The following APEH variants were observed in gnomAD, a reference collection of about 807,000 sequenced individuals.
The protein encoded by APEH is acylamino-acid-releasing enzyme.
APEH carries 75 observed loss-of-function variants against 102.7 expected under a neutral mutation model. The observed-to-expected ratio is 0.73, with a 90% CI of 0.61 to 0.89. The LOEUF is 0.89. APEH is among the 40% of genes least tolerant of loss of function. The pLI, the probability that APEH is intolerant of heterozygous loss-of-function variation, is 0.00. For synonymous variants in APEH, 344 were observed against 362.7 expected, an observed-to-expected ratio of 0.95 and a Z score of 0.59; for missense variants, 863 against 941.2, an observed-to-expected ratio of 0.92 and a Z score of 1.09.
At position 49,675,289 on chromosome 3, in the gene APEH, C is replaced by A; in HGVS notation, c.252C>A (p.Asn84Lys). The change falls in exon 3 of 22, where the codon AAC (asparagine) becomes AAA (lysine). Residue 84 changes from asparagine (N) to lysine (K), a missense_variant. Transcript: ENST00000296456. ...TGGTGTTTGCAGGACCTGCAGGCAACAGTGTGGAGACCCGGGGGGAGTAAG... is the reference window on the plus strand; with the variant it reads ...TGGTGTTTGCAGGACCTGCAGGCAAAAGTGTGGAGACCCGGGGGGAGTAAG... The part of the protein sequence containing the change: ...DSVVFAGPAG[N>K]SVETRGELLS... 6.2e-7 allele frequency: 1 copy of A among 1,613,914 alleles called. No homozygotes were observed. The highest frequency in any genetic ancestry group is 8.5e-7 in the Non-Finnish European group (1 of 1,179,932).
At chr3:49,677,752 C>G in intron 11 of APEH, 119 bp downstream of exon 11, 1 of 979,152 alleles carries the variant, frequency 1.0e-6, no homozygotes, top group South Asian at 1.3e-5. Context: ...TACCTCCCTG[C>G]TGGGCCAGCC....
At chr3:49,680,723 T>A in intron 14 of APEH, 94 bp downstream of exon 14, 1 of 1,163,368 alleles carries the variant, frequency 8.6e-7, no homozygotes, top group Non-Finnish European at 1.3e-6. Flanking sequence ...CTGACCTGGC[T>A]GGTCAGCATA....
chr3:49,679,937 ACT>A lies in APEH; in HGVS notation c.1210+300_1210+301del, dbSNP rs948918049. The A allele has an allele frequency of 1.9e-5, 6 of 321,038 alleles. No homozygotes were observed. In the East Asian group the frequency reaches 2.0e-4, roughly 10 times the overall value. 19.9% of individuals were successfully genotyped at this position (321,038 alleles called of 1,614,324 possible). ...CACCTCTGCTCCTAAAACCCACAAA[ACT>A]CTCTCTTATCAAGATCTGCCAGACT... On this transcript the variant is annotated intron_variant, in intron 13 of 21. Coordinates refer to ENST00000296456, the MANE Select transcript of APEH (RefSeq NM_001640.4). This position sits in a 1 kb window ranked among gnomAD's most constrained non-coding sequence, Gnocchi z 4.3.
In APEH at chr3:49,680,646, C is replaced by T. The variant is rs778459556; in HGVS notation, c.1299+17C>T. The stretch of plus-strand genomic sequence containing the variant: ...CCAACCCTGGTGAGTGTCGGTGGGT[C>T]CCAGGCTGTGGAGGCAGGGGTTCTG... On this transcript the variant is annotated intron_variant, in intron 14 of 21. Coordinates refer to ENST00000296456, the MANE Select transcript of APEH (RefSeq NM_001640.4). 6.2e-6 allele frequency: 10 copies of T among 1,609,964 alleles called. No individual in the cohort carries two copies. The South Asian group carries it at 9.9e-5, about 16-fold the overall frequency.
chr3:49,676,313 C>G lies in APEH; in HGVS notation c.607-65C>G, dbSNP rs2053049964. 8 of 1,612,232 alleles carry G rather than the reference C, an allele frequency of 5.0e-6. No homozygotes were observed. In the South Asian group the frequency reaches 7.7e-5, roughly 15 times the overall value. ...TGTGCCTGTCAGACCTGGGGAGGCA[C>G]TAGCTTTTAGGAAGCAGAGCAGGTC... On this transcript the variant is annotated intron_variant, in intron 6 of 21. Transcript: ENST00000296456.
Position 49,680,768 on chromosome 3 carries a change from G to A in APEH, c.1299+139G>A, listed in dbSNP as rs1012037079. 5 of 790,108 alleles carry A rather than the reference G, an allele frequency of 6.3e-6. No homozygotes were observed. In the African/African-American group the frequency reaches 8.6e-5, roughly 14 times the overall value. 48.9% of individuals were successfully genotyped at this position (790,108 alleles called of 1,614,324 possible). A position where few individuals can be genotyped will look rare whatever the true frequency, so the allele number is the denominator to read the frequency against. ...CAAGACACAGGCCCAGCTTGGCATG[G>A]TCCATGAGGGTTTGGCACTCACAGG... On this transcript the variant is annotated intron_variant, in intron 14 of 21. Coordinates refer to ENST00000296456, the MANE Select transcript of APEH (RefSeq NM_001640.4).
In APEH at chr3:49,674,611, G is replaced by T. The variant is rs773763241; in HGVS notation, c.135G>T (p.Thr45=). ...CGCAGTACGGCGGCCAATACCGGAC[G>T]GTGCACACTGGTGTGTGTGCGAAGG... ...VTTQYGGQYR[T]VHTEWTQRDL... Residue 45 remains threonine (T), a synonymous_variant, in exon 2 of 22, where the codon ACG becomes ACT. Transcript: ENST00000296456. The T allele has an allele frequency of 3.8e-6, 6 of 1,584,780 alleles. No homozygotes were observed. Among genetic ancestry groups the T allele is most frequent in the South Asian group, 1.1e-5 (1 of 88,546 alleles).
rs1046580082 is a variant in APEH at position 49,680,134 on chromosome 3, C to T, written c.1211-407C>T. Reference sequence around the variant, plus strand: ...GTCCTCCACCTGACCTGACTGTATCCGCTCCTCCACAAAGCTACCAAAGTA... The same window carrying T: ...GTCCTCCACCTGACCTGACTGTATCTGCTCCTCCACAAAGCTACCAAAGTA... On this transcript the variant is annotated intron_variant, in intron 13 of 21. Transcript: ENST00000296456. 3.7e-5 allele frequency: 10 copies of T among 268,794 alleles called. No individual in the cohort carries two copies. In the East Asian group the frequency reaches 3.8e-4, roughly 10 times the overall value. The allele number at this position is 268,794 out of a possible 1,614,324, so 16.7% of individuals were successfully genotyped here. A position where few individuals can be genotyped will look rare whatever the true frequency, so the allele number is the denominator to read the frequency against.
rs1313704035 is a variant in APEH, at chr3:49,675,310, G to A, written c.272+1G>A. On this transcript the variant is annotated splice_donor_variant, in intron 3 of 21. Coordinates refer to ENST00000296456, the MANE Select transcript of APEH (RefSeq NM_001640.4). LOFTEE classifies it high-confidence loss of function. The stretch of plus-strand genomic sequence containing the variant: ...GCAACAGTGTGGAGACCCGGGGGGA[G>A]TAAGTTTGAGGGAGGAAGCTTGTGG... 2.5e-6 allele frequency: 4 copies of A among 1,613,528 alleles called. No homozygotes were observed. Among genetic ancestry groups the A allele is most frequent in the African/African-American group, 1.3e-5 (1 of 74,922 alleles).
rs376913085 is a variant in APEH at position 49,681,957 on chromosome 3, G to A, written c.1593G>A (p.Ala531=). The A allele has an allele frequency of 1.3e-5, 21 of 1,613,582 alleles. No individual in the cohort carries two copies. Among genetic ancestry groups the A allele is most frequent in the East Asian group, 6.7e-5 (3 of 44,894 alleles). The change falls in exon 17 of 22, where the codon GCG becomes GCA. Residue 531 remains alanine, a synonymous_variant. Coordinates refer to ENST00000296456, the MANE Select transcript of APEH (RefSeq NM_001640.4). ...FPAMLCKMGF[A]VLLVNYRGST... ...CCATGCTTTGCAAGATGGGCTTTGCGGTACTACTAGGTGAGTGAGCAGGGA... is the reference window on the plus strand; with the variant it reads ...CCATGCTTTGCAAGATGGGCTTTGCAGTACTACTAGGTGAGTGAGCAGGGA...
Position 49,683,550 on chromosome 3 carries a change from CT to C in APEH, c.*209del. The C allele has an allele frequency of 3.6e-6, 2 of 563,336 alleles. No individual in the cohort carries two copies. Among genetic ancestry groups the C allele is most frequent in the Non-Finnish European group, 6.3e-6 (2 of 315,032 alleles). The allele number at this position is 563,336 out of a possible 1,614,324, so 34.9% of individuals were successfully genotyped here. On this transcript the variant is annotated 3_prime_UTR_variant, in exon 22 of 22. Transcript: ENST00000296456. ...TGTACCAAACCATCCCCAACCCCAC[CT>C]CCCACTCTGGGGTGCAGAGACCCTA...
At chr3:49,676,006 G>A in intron 5 of APEH, 40 bp downstream of exon 5, 1 of 1,614,216 alleles carries the variant, frequency 6.2e-7, no homozygotes, top group African/African-American at 1.3e-5. Context: ...GTGGACAGGA[G>A]GGGTAGCCGT....
rs2053472696 is a variant in APEH, at chr3:49,683,957, A to T, written c.*615A>T. The T allele has an allele frequency of 2.5e-6, 4 of 1,572,604 alleles. No individual in the cohort carries two copies. Among genetic ancestry groups the T allele is most frequent in the Non-Finnish European group, 3.4e-6 (4 of 1,160,662 alleles). ...GCTAAGAAGCATCTGTACAGGCATA[A>T]AGAGGAAACATGGCTTTATGTCTGA... On this transcript the variant is annotated 3_prime_UTR_variant, in exon 22 of 22. Transcript: ENST00000296456.
In APEH at chr3:49,676,433, T is replaced by A. The variant is rs41290714; in HGVS notation, c.662T>A (p.Ile221Asn). ...DWGENMVSKS[I>N]PVLCVLDVES... is the part of the protein sequence containing the mutation. ...GGAGAAAACATGGTTTCCAAAAGCA[T>A]CCCTGTGCTCTGCGTGCTGGATGTC... Residue 221 changes from isoleucine to asparagine, a missense_variant, in exon 7 of 22, where the codon ATC (isoleucine) becomes AAC (asparagine). Coordinates refer to ENST00000296456, the MANE Select transcript of APEH (RefSeq NM_001640.4). 5.9e-5 allele frequency: 95 copies of A among 1,614,254 alleles called. No homozygotes were observed. Among genetic ancestry groups the A allele is most frequent in the Admixed American group, 8.3e-5 (5 of 60,038 alleles).
At position 49,676,959 on chromosome 3, in the gene APEH, T is replaced by C. The variant is rs1377068410; in HGVS notation, c.934T>C (p.Cys312Arg). The C allele has an allele frequency of 3.8e-5, 62 of 1,614,048 alleles. No homozygotes were observed. The highest frequency in any genetic ancestry group is 5.1e-5 in the Non-Finnish European group (60 of 1,180,028). The change falls in exon 10 of 22, where the codon TGT (cysteine) becomes CGT (arginine). Residue 312 changes from cysteine to arginine, a missense_variant. Physicochemically the swap from Cys to Arg is radical, Grantham distance 180. Coordinates refer to ENST00000296456, the MANE Select transcript of APEH (RefSeq NM_001640.4). ...TTCTCCCCGGCTGAGCCCAGACCAA[T>C]GTCGCATTGTCTACCTGCAGTACCC... ...VSSPRLSPDQCRIVYLQYPSL... is the reference protein window; with the variant it reads ...VSSPRLSPDQRRIVYLQYPSL...
rs765099950 is a variant in APEH, at chr3:49,676,672, T to C, written c.808T>C (p.Leu270=). The C allele has an allele frequency of 6.2e-7, 1 of 1,614,234 alleles. No homozygotes were observed. The highest frequency in any genetic ancestry group is 1.1e-5 in the South Asian group (1 of 91,078). The change falls in exon 8 of 22, where the codon TTG becomes CTG. Residue 270 remains leucine, a synonymous_variant. Transcript: ENST00000296456. ...FVGWWHEPFR[L]GIRFCTNRRS... ...GGGCTGGTGGCATGAGCCCTTCCGG[T>C]TGGGCATCCGCTTTTGCACCAATCG...
At chr3:49,677,762 CT>C in intron 11 of APEH, 129 bp downstream of exon 11, 1 of 905,910 alleles carries the variant, frequency 1.1e-6, no homozygotes, top group Non-Finnish European at 1.8e-6. Context: ...CTGGGCCAGC[CT>C]TATGCCCAGC....
At chr3:49,678,549 G>A (rs1254415616) in intron 11 of APEH, among the ~76,000 whole-genome samples, 1 of 152,188 alleles carries the variant, frequency 6.6e-6, no homozygotes, top group Non-Finnish European at 1.5e-5. Context: ...ACCTACCTGG[G>A]TTCAACTGGA....
chr3:49,674,710 G>A, intron 2 of APEH, 89 bp downstream of exon 2: 1 of 1,514,032 alleles, frequency 6.6e-7, no homozygotes, highest in Non-Finnish European at 8.9e-7. Context: ...GCTTGACAGT[G>A]CGTAAGGGTA....
Sources: allele counts gnomAD v4.1 joint callset (sites outside exome capture counted in the v4.1 genomes callset), GRCh38; gene constraint gnomAD v4.1.1; non-coding constraint Gnocchi (gnomAD v3.1); transcripts MANE v1.5; gene names NCBI Gene and HGNC (gene_info 2026-07-23, HGNC 2026-07-21).